CSN2: variants seen among roughly 807,000 people sequenced by gnomAD.
The protein encoded by CSN2 is casein beta.
In CSN2, 27 loss-of-function variants were observed where a neutral mutation model predicts 27.3. That is an observed-to-expected ratio of 0.99 (90% CI 0.73 to 1.36). The LOEUF is 1.36. CSN2 is among the 40% of genes most tolerant of loss of function. The pLI, the probability that CSN2 is intolerant of heterozygous loss-of-function variation, is 0.00. For synonymous variants in CSN2, 131 were observed against 94.8 expected (o/e 1.38, Z -2.22); for missense variants, 333 against 264.5 (o/e 1.26, Z -1.80).
chr4:69,960,507 A>T (rs1723539679), intron 2 of CSN2, among the ~76,000 whole-genome samples: 1 of 151,390 alleles, frequency 6.6e-6, no homozygotes, highest in Non-Finnish European at 1.5e-5. Flanking sequence ...TATGATCATG[A>T]TTATGATTGT....
intron 2 of CSN2, 105 bp downstream of exon 2, chr4:69,960,837 ATTC>A: frequency 1.2e-6 from 1 of 854,876 alleles, no homozygotes; most frequent in Non-Finnish European, 1.9e-6. Flanking sequence ...TTCTCATGAA[ATTC>A]TTCATTATTT....
intron 2 of CSN2, among the ~76,000 whole-genome samples, chr4:69,960,553 C>G (rs753541360): frequency 3.3e-5 from 5 of 151,580 alleles, no homozygotes; most frequent in Non-Finnish European, 7.4e-5. Context: ...TTTGTACAGA[C>G]AGACACAGGA....
chr4:69,965,414 A>C (rs1279594053), intron 1 of CSN2, among the ~76,000 whole-genome samples: 25 of 71,730 alleles, frequency 3.5e-4, no homozygotes, highest in African/African-American at 9.2e-4. Flanking sequence ...CATACTATAT[A>C]TATATATATA....
In CSN2 at chr4:69,957,611, C is replaced by T. The variant is rs1676730720; in HGVS notation, c.338G>A (p.Arg113Lys). Residue 113 changes from arginine to lysine, a missense_variant, in exon 6 of 8, where the codon AGA becomes AAA. By Grantham distance (26) the Arg-to-Lys change is conservative. Coordinates refer to ENST00000353151, the MANE Select transcript of CSN2 (RefSeq NM_001891.4). Reference sequence around the variant, plus strand: ...TGGAGATTTAAGGACAGGCATCACTCTGCCCTTAGTGTAGACAGTGTCTTT... The same window carrying T: ...TGGAGATTTAAGGACAGGCATCACTTTGCCCTTAGTGTAGACAGTGTCTTT... ...KAKDTVYTKG[R>K]VMPVLKSPTI... 6.2e-7 allele frequency: 1 copy of T among 1,613,828 alleles called. No individual in the cohort carries two copies. The highest frequency in any genetic ancestry group is 1.3e-5 in the African/African-American group (1 of 74,888).
Position 69,957,750 on chromosome 4 carries a change from G to T in CSN2, c.199C>A (p.Pro67Thr). The T allele has an allele frequency of 6.2e-7, 1 of 1,613,940 alleles. No homozygotes were observed. ...PSFQPQPLIYPFVEPIPYGFL... is the reference protein window; with the variant it reads ...PSFQPQPLIYTFVEPIPYGFL... ...CCATAGGGGATAGGTTCAACGAATG[G>T]ATAGATCAGAGGCTGTGGCTGGAAA... Residue 67 changes from proline to threonine, a missense_variant, in exon 6 of 8, where the codon CCA (proline) becomes ACA (threonine). Physicochemically the swap from Pro to Thr is conservative, Grantham distance 38. Transcript: ENST00000353151.
Position 69,959,069 on chromosome 4 carries a change from C to A in CSN2, c.79G>T (p.Glu27Ter), listed in dbSNP as rs1481744658. The change falls in exon 4 of 8, where the codon GAA becomes TAA. Residue 27 changes from glutamate to a stop codon, truncating the protein, a stop_gained and splice_region_variant. Coordinates refer to ENST00000353151, the MANE Select transcript of CSN2 (RefSeq NM_001891.4). LOFTEE classifies it high-confidence loss of function. ...TTTACCTTGTATTCTGTAATAGATT[C>A]CTACAGAAAAATATAAAATAAAATT... is the stretch of plus-strand genomic sequence containing the variant. Reference protein sequence around the residue: ...ETIESLSSSEESITEYKQKVE... With the variant: ...ETIESLSSSE 2 of 1,351,248 alleles carry A rather than the reference C, an allele frequency of 1.5e-6. No individual in the cohort carries two copies. Among genetic ancestry groups the A allele is most frequent in the East Asian group, 2.5e-5 (1 of 40,772 alleles). The allele number at this position is 1,351,248 out of a possible 1,614,324, so 83.7% of individuals were successfully genotyped here.
chr4:69,963,391 G>A (rs2109749017), intron 1 of CSN2, among the ~76,000 whole-genome samples: 1 of 152,048 alleles, frequency 6.6e-6, no homozygotes, highest in East Asian at 1.9e-4. Flanking sequence ...ATACACCATG[G>A]AATACTATGC....
chr4:69,956,408 G>A, intron 6 of CSN2, 53 bp from the exon 7 acceptor site: 1 of 1,291,820 alleles, frequency 7.7e-7, no homozygotes, highest in Non-Finnish European at 1.0e-6. Flanking sequence ...AAGAAAACTT[G>A]CCTTAAGAAT....
At chr4:69,959,141 A>G (rs979639185) in intron 3 of CSN2, 72 bp from the exon 4 acceptor site, 199 of 1,079,592 alleles carry the variant, frequency 1.8e-4, no homozygotes, top group Non-Finnish European at 2.5e-4. Flanking sequence ...ATCAGGAAAT[A>G]AAGGCATTAA....
Position 69,958,195 on chromosome 4 carries a change from T to C in CSN2, c.145-391A>G, listed in dbSNP as rs559228514. The stretch of plus-strand genomic sequence containing the variant: ...TTTTCATACAGTGAAAAGAGATCAG[T>C]TTAAAAAGACTTAGAGGGACAATTC... On this transcript the variant is annotated intron_variant, in intron 5 of 7. Coordinates refer to ENST00000353151, the MANE Select transcript of CSN2 (RefSeq NM_001891.4). Among the ~76,000 whole-genome samples the C allele has an allele frequency of 8.5e-4, 130 of 152,164 alleles. 1 individual carries two copies. The highest frequency in any genetic ancestry group is 4.4e-4 in the Non-Finnish European group (30 of 68,032).
chr4:69,957,179 G>T, intron 6 of CSN2, 95 bp downstream of exon 6: 1 of 1,268,278 alleles, frequency 7.9e-7, no homozygotes, highest in South Asian at 1.7e-5. Flanking sequence ...TATCTAAACT[G>T]TTTTTTTAAT....
At chr4:69,961,672 C>G (rs1043558739) in intron 1 of CSN2, among the ~76,000 whole-genome samples, 1 of 152,142 alleles carries the variant, frequency 6.6e-6, no homozygotes. Context: ...AAAATTGGCA[C>G]AAGACAGGGA....
chr4:69,965,309 A>T (rs1445751125), intron 1 of CSN2, among the ~76,000 whole-genome samples: 1 of 150,066 alleles, frequency 6.7e-6, no homozygotes, highest in Non-Finnish European at 1.5e-5. Context: ...CTATAATTGA[A>T]GTATAATTCT....
At chr4:69,958,089 C>T (rs530326176) in intron 5 of CSN2, among the ~76,000 whole-genome samples, 2 of 152,204 alleles carry the variant, frequency 1.3e-5, no homozygotes, top group African/African-American at 4.8e-5. Flanking sequence ...CCTGAATTGC[C>T]TGGATAGCTG....
intron 2 of CSN2, 45 bp from the exon 3 acceptor site, chr4:69,960,124 T>G: frequency 3.2e-6 from 5 of 1,551,334 alleles, no homozygotes; most frequent in Non-Finnish European, 4.4e-6. Context: ...TTCTAGATCA[T>G]TAGAGAATTT....
intron 6 of CSN2, among the ~76,000 whole-genome samples, chr4:69,957,001 C>T (rs879802938): frequency 2.6e-5 from 4 of 151,746 alleles, no homozygotes; most frequent in Non-Finnish European, 4.4e-5. Context: ...CTGGACCTGT[C>T]GTGGGGTGGG....
chr4:69,958,577 T>A (rs528052082), intron 5 of CSN2, among the ~76,000 whole-genome samples: 31 of 152,054 alleles, frequency 2.0e-4, no homozygotes, highest in Admixed American at 1.2e-3. Context: ...GTATACACCT[T>A]TTCATTACCA....
intron 1 of CSN2, among the ~76,000 whole-genome samples, chr4:69,964,083 C>A (rs1449228156): frequency 6.6e-6 from 1 of 152,088 alleles, no homozygotes; most frequent in African/African-American, 2.4e-5. Context: ...CTTTATTGGA[C>A]TATTGAGTTT....
At chr4:69,961,635 G>C (rs1207697999) in intron 1 of CSN2, among the ~76,000 whole-genome samples, 1 of 152,138 alleles carries the variant, frequency 6.6e-6, no homozygotes, top group Non-Finnish European at 1.5e-5. Context: ...CATACTGAAT[G>C]GACAAAAACT....
Sources: gnomAD v4.1 joint callset for allele counts (sites outside exome capture counted in the v4.1 genomes callset) on GRCh38, gnomAD v4.1.1 for gene constraint, MANE v1.5 for transcripts, NCBI Gene and HGNC (gene_info 2026-07-23, HGNC 2026-07-21) for gene names.